Variants in SNX6 observed in about 807,000 individuals in gnomAD.
SNX6 encodes the protein sorting nexin-6.
SNX6 carries 34 observed loss-of-function variants against 63.0 expected under a neutral mutation model. That is an observed-to-expected ratio of 0.54 (90% CI 0.41 to 0.72). SNX6 has a LOEUF of 0.72. SNX6 is among the 30% of genes least tolerant of loss of function. The pLI is 0.00. For synonymous variants in SNX6, 170 were observed against 164.2 expected, an observed-to-expected ratio of 1.04 and a Z score of -0.27; for missense variants, 398 against 471.4, an observed-to-expected ratio of 0.84 and a Z score of 1.44.
chr14:34,607,512 A>C (rs1392221307), intron 4 of SNX6, among the ~76,000 whole-genome samples: 1 of 152,100 alleles, frequency 6.6e-6, no homozygotes, highest in Non-Finnish European at 1.5e-5. Context: ...CAAGTGACTG[A>C]GGCAGGGGAA....
In SNX6 at chr14:34,605,729, C is replaced by T; in HGVS notation, c.271-12G>A. The T allele has an allele frequency of 1.3e-6, 2 of 1,582,840 alleles. No homozygotes were observed. Among genetic ancestry groups the T allele is most frequent in the South Asian group, 2.4e-5 (2 of 85,070 alleles). On this transcript the variant is annotated splice_polypyrimidine_tract_variant and intron_variant, in intron 4 of 13. Transcript: ENST00000362031. ...GGTGCTGGTGGAATCTGTAACAGGACCAAATGACTAATTTTAAGGAAATTT... is the reference window on the plus strand; with the variant it reads ...GGTGCTGGTGGAATCTGTAACAGGATCAAATGACTAATTTTAAGGAAATTT...
chr14:34,616,939 T>G (rs938120987), intron 2 of SNX6, among the ~76,000 whole-genome samples: 5 of 151,910 alleles, frequency 3.3e-5, no homozygotes. Context: ...AAAAATTAGC[T>G]GGGCGTGGTG....
intron 2 of SNX6, among the ~76,000 whole-genome samples, chr14:34,622,179 G>A (rs1883649022): frequency 6.7e-6 from 1 of 150,324 alleles, no homozygotes; most frequent in African/African-American, 2.4e-5. Context: ...CCAGGCTGGT[G>A]TTGAACTCCT....
intron 8 of SNX6, among the ~76,000 whole-genome samples, chr14:34,590,846 T>C (rs989153213): frequency 7.9e-5 from 12 of 152,092 alleles, no homozygotes; most frequent in African/African-American, 2.2e-4. Context: ...AAGCTAGAAA[T>C]AAATAATTGT....
At chr14:34,600,806 C>A (rs1053109355) in intron 6 of SNX6, among the ~76,000 whole-genome samples, 6 of 152,104 alleles carry the variant, frequency 3.9e-5, no homozygotes, top group Non-Finnish European at 8.8e-5. Flanking sequence ...GGGAGGCCGA[C>A]GCAGGCAGAT....
chr14:34,572,984 G>A (rs1208998951), intron 11 of SNX6, among the ~76,000 whole-genome samples: 4 of 151,726 alleles, frequency 2.6e-5, no homozygotes, highest in South Asian at 2.1e-4. Flanking sequence ...ACCTGGCCTC[G>A]TGTTAACTTT....
intron 13 of SNX6, among the ~76,000 whole-genome samples, chr14:34,564,407 CA>C (rs1192995550): frequency 2.0e-5 from 3 of 152,158 alleles, no homozygotes; most frequent in African/African-American, 7.2e-5. Context: ...GTGATAACCA[CA>C]AATGTCTCCA....
At chr14:34,625,342 T>C (rs1883786543) in intron 2 of SNX6, among the ~76,000 whole-genome samples, 1 of 152,190 alleles carries the variant, frequency 6.6e-6, no homozygotes, top group African/African-American at 2.4e-5. Context: ...ACAGGCCAGA[T>C]ATTTCTATTC....
intron 8 of SNX6, among the ~76,000 whole-genome samples, chr14:34,590,417 C>G (rs1437823886): frequency 5.8e-5 from 8 of 138,242 alleles, no homozygotes; most frequent in Non-Finnish European, 1.2e-4. Flanking sequence ...GGCGACAGAG[C>G]AAGACTTCGT....
chr14:34,582,966 T>A (rs770324336), intron 9 of SNX6, among the ~76,000 whole-genome samples: 1 of 151,752 alleles, frequency 6.6e-6, no homozygotes, highest in African/African-American at 2.4e-5. Flanking sequence ...ATACAAAAAA[T>A]TAGTGGGGCA....
intron 13 of SNX6, among the ~76,000 whole-genome samples, chr14:34,566,613 A>C (rs990557313): frequency 6.6e-6 from 1 of 152,246 alleles, no homozygotes; most frequent in African/African-American, 2.4e-5. Context: ...TTCAGAGCTG[A>C]CCATTGGAGA....
intron 10 of SNX6, among the ~76,000 whole-genome samples, chr14:34,578,365 C>T (rs1436292713): frequency 6.6e-6 from 1 of 151,942 alleles, no homozygotes; most frequent in Non-Finnish European, 1.5e-5. Flanking sequence ...CTTAATAAGG[C>T]TCATGCCTGT....
chr14:34,624,129 T>G (rs1883733133), intron 2 of SNX6, among the ~76,000 whole-genome samples: 1 of 152,184 alleles, frequency 6.6e-6, no homozygotes, highest in Non-Finnish European at 1.5e-5. Flanking sequence ...TGAGACAGTT[T>G]CGCTCTTGTC....
chr14:34,627,441 G>C (rs1427197355), intron 2 of SNX6, among the ~76,000 whole-genome samples: 1 of 151,370 alleles, frequency 6.6e-6, no homozygotes, highest in Non-Finnish European at 1.5e-5. Context: ...GCGAAAGAGC[G>C]AGACTCCGTT....
At chr14:34,604,333 T>C in intron 5 of SNX6, 1 of 1,179,994 alleles carries the variant, frequency 8.5e-7, no homozygotes, top group Non-Finnish European at 1.1e-6. Flanking sequence ...TCGATATTAA[T>C]GTGCTCTGCT....
chr14:34,597,453 T>C, intron 7 of SNX6, 97 bp downstream of exon 7: 2 of 762,288 alleles, frequency 2.6e-6, no homozygotes, highest in Non-Finnish European at 4.4e-6. Context: ...ACCGTCCAAA[T>C]GTCTTTTACT....
intron 7 of SNX6, among the ~76,000 whole-genome samples, chr14:34,594,827 T>C (rs1882535566): frequency 6.6e-6 from 1 of 152,120 alleles, no homozygotes; most frequent in Non-Finnish European, 1.5e-5. Context: ...CTGGATACAG[T>C]GGCTCACACC....
intron 9 of SNX6, among the ~76,000 whole-genome samples, chr14:34,585,915 T>C (rs972796716): frequency 2.0e-5 from 3 of 146,918 alleles, no homozygotes. Context: ...TATTTATTTA[T>C]TTTTTTTGAG....
intron 5 of SNX6, chr14:34,604,259 T>C: frequency 7.8e-7 from 1 of 1,282,116 alleles, no homozygotes; most frequent in South Asian, 1.3e-5. Flanking sequence ...GGTTCTCTGT[T>C]ATCCAACCCC....
Sources: gnomAD v4.1 joint callset for allele counts (sites outside exome capture counted in the v4.1 genomes callset) on GRCh38, gnomAD v4.1.1 for gene constraint, MANE v1.5 for transcripts, NCBI Gene and HGNC (gene_info 2026-07-23, HGNC 2026-07-21) for gene names.